The following DIP2B variants were observed in gnomAD, a reference collection of about 807,000 sequenced individuals.
DIP2B encodes disco-interacting protein 2 homolog B.
In DIP2B, 76 loss-of-function variants were observed where a neutral mutation model predicts 198.0. The observed-to-expected ratio is 0.38, with a 90% CI of 0.32 to 0.46. The LOEUF (loss-of-function observed/expected upper bound fraction) is 0.46, where lower values mean the gene tolerates loss of function less well. Among genes scored for constraint, DIP2B ranks in the 20% least tolerant of loss-of-function variants. DIP2B has a pLI of 0.99. For synonymous variants in DIP2B, 701 were observed against 739.1 expected (o/e 0.95, Z 0.84); for missense variants, 1,559 against 1,978.4 (o/e 0.79, Z 4.02).
At chr12:50,643,316 C>T (rs1016328766) in intron 3 of DIP2B, among the ~76,000 whole-genome samples, 1 of 151,290 alleles carries the variant, frequency 6.6e-6, no homozygotes, top group Admixed American at 6.6e-5. Flanking sequence ...GGATCAGATA[C>T]TAGTCAGCTG....
intron 12 of DIP2B, among the ~76,000 whole-genome samples, chr12:50,689,791 A>G (rs908500351): frequency 2.0e-5 from 3 of 152,178 alleles, no homozygotes; most frequent in African/African-American, 7.2e-5. Flanking sequence ...GTGAAAAGAG[A>G]TAAGGGTGGA....
intron 1 of DIP2B, among the ~76,000 whole-genome samples, chr12:50,618,559 T>G (rs985843243): frequency 9.9e-5 from 15 of 152,182 alleles, no homozygotes; most frequent in African/African-American, 3.6e-4. Flanking sequence ...GAAGTAGAAT[T>G]TGGAGCGTCT....
chr12:50,534,390 T>TTTTTTC (rs71083588), intron 1 of DIP2B, among the ~76,000 whole-genome samples: 1 of 135,012 alleles, frequency 7.4e-6, no homozygotes, highest in African/African-American at 2.7e-5. Flanking sequence ...TTTTTTTTTT[T>TTTTTTC]GAGACGGAGT....
At chr12:50,678,082 T>C (rs962362134) in intron 7 of DIP2B, among the ~76,000 whole-genome samples, 5 of 146,838 alleles carry the variant, frequency 3.4e-5, no homozygotes, top group African/African-American at 1.3e-4. Context: ...GGCAAAGGGA[T>C]TGGCCATACG....
At chr12:50,713,821 C>G (rs1330128111) in intron 22 of DIP2B, among the ~76,000 whole-genome samples, 1 of 152,094 alleles carries the variant, frequency 6.6e-6, no homozygotes, top group Admixed American at 6.5e-5. Flanking sequence ...GTAATCTCAG[C>G]ACTTTGGGAG....
intron 4 of DIP2B, among the ~76,000 whole-genome samples, chr12:50,662,092 T>C (rs1252227218): frequency 6.6e-6 from 1 of 152,250 alleles, no homozygotes; most frequent in East Asian, 1.9e-4. Flanking sequence ...CTCCTCTGTC[T>C]GCAGCCTTGA....
At chr12:50,695,215 T>A in intron 14 of DIP2B, 52 bp from the exon 15 acceptor site, 1 of 1,466,682 alleles carries the variant, frequency 6.8e-7, no homozygotes, top group Non-Finnish European at 9.5e-7. Flanking sequence ...AATTTTAAAA[T>A]ACTAAGTATG....
At chr12:50,697,039 T>G in intron 16 of DIP2B, 22 bp from the exon 17 acceptor site, 1 of 1,578,236 alleles carries the variant, frequency 6.3e-7, no homozygotes, top group Non-Finnish European at 8.7e-7. Flanking sequence ...CAGCTTCAGG[T>G]TGATCTGTTC....
At chr12:50,650,795 C>T (rs1294553470) in intron 3 of DIP2B, among the ~76,000 whole-genome samples, 1 of 152,086 alleles carries the variant, frequency 6.6e-6, no homozygotes, top group African/African-American at 2.4e-5. Flanking sequence ...CTTTGAGATC[C>T]TGTTTTCGGT....
intron 1 of DIP2B, among the ~76,000 whole-genome samples, chr12:50,605,834 T>G (rs1226865184): frequency 6.6e-6 from 1 of 152,204 alleles, no homozygotes; most frequent in Non-Finnish European, 1.5e-5. Context: ...TTCTTTCGTT[T>G]TTTTTAGATG....
chr12:50,517,378 CATATTCTAATGGA>C (rs1229808423), intron 1 of DIP2B, among the ~76,000 whole-genome samples: 1 of 152,022 alleles, frequency 6.6e-6, no homozygotes, highest in Non-Finnish European at 1.5e-5. Context: ...CCCAGTGATC[CATATTCTAATGGA>C]TCACTGAGTC....
chr12:50,601,639 CTTTTTATATTTTATGTAAAATATTT>C, intron 1 of DIP2B, among the ~76,000 whole-genome samples: 1 of 151,848 alleles, frequency 6.6e-6, no homozygotes, highest in Non-Finnish European at 1.5e-5. Context: ...CGCCCGGCAG[CTTTTTATATTTTATGTAAAATATTT>C]TACATTTTTT....
chr12:50,544,907 G>A (rs776538437), intron 1 of DIP2B, among the ~76,000 whole-genome samples: 2 of 151,906 alleles, frequency 1.3e-5, no homozygotes. Context: ...GTGAGCCACC[G>A]CGCCTGGCTG....
intron 3 of DIP2B, among the ~76,000 whole-genome samples, chr12:50,657,355 T>C (rs1438173891): frequency 1.3e-5 from 2 of 152,162 alleles, no homozygotes; most frequent in Non-Finnish European, 2.9e-5. Flanking sequence ...GAATTACTTA[T>C]TAATTGCAAA....
At chr12:50,560,406 A>G (rs1958509007) in intron 1 of DIP2B, among the ~76,000 whole-genome samples, 1 of 151,506 alleles carries the variant, frequency 6.6e-6, no homozygotes, top group African/African-American at 2.4e-5. Context: ...CAAAAAAAAA[A>G]AAAGCAAAAA....
chr12:50,554,767 C>CT lies in DIP2B; in HGVS notation c.100+49527_100+49528insT, dbSNP rs1958455481. ...GAAAGACATCTCGCCGCTCCCCCCC[C>CT]GCCCCTTTTTTTTTCTTTTGAGATG... On this transcript the variant is annotated intron_variant, in intron 1 of 37. Transcript: ENST00000301180. 2.6e-5 allele frequency among the ~76,000 whole-genome samples: 4 copies of CT among 151,764 alleles called. No homozygotes were observed. In the Admixed American group the frequency reaches 2.6e-4, roughly 10 times the overall value.
In DIP2B at chr12:50,695,921, C is replaced by G. The variant is rs771241257; in HGVS notation, c.1887C>G (p.Ser629Arg). The G allele has an allele frequency of 9.3e-6, 15 of 1,614,128 alleles. No individual in the cohort carries two copies. Among genetic ancestry groups the G allele is most frequent in the Non-Finnish European group, 1.3e-5 (15 of 1,179,970 alleles). ...CACATCGGGACCAAAGAGACGTGAG[C>G]TTGAGTTCCCTCCGAATGTTAATTG... ...MMAHRDQRDV[S>R]LSSLRMLIVT... The change falls in exon 16 of 38, where the codon AGC becomes AGG. Residue 629 changes from serine (S) to arginine (R), a missense_variant. By Grantham distance (110) the Ser-to-Arg change is moderately radical. Coordinates refer to ENST00000301180, the MANE Select transcript of DIP2B (RefSeq NM_173602.3).
chr12:50,692,654 C>T (rs1322770564), intron 13 of DIP2B, among the ~76,000 whole-genome samples: 1 of 152,010 alleles, frequency 6.6e-6, no homozygotes, highest in East Asian at 1.9e-4. Context: ...CCTGGCCAAC[C>T]TGGTGAAACT....
intron 33 of DIP2B, 105 bp downstream of exon 33, chr12:50,734,301 AGGAGG>A: frequency 8.7e-7 from 1 of 1,154,148 alleles, no homozygotes; most frequent in Non-Finnish European, 1.3e-6. Context: ...CATATATTCC[AGGAGG>A]GGAATGGGAA....
Sources: allele counts gnomAD v4.1 joint callset (sites outside exome capture counted in the v4.1 genomes callset), GRCh38; gene constraint gnomAD v4.1.1; transcripts MANE v1.5; gene names NCBI Gene and HGNC (gene_info 2026-07-23, HGNC 2026-07-21).